TSPEAR: variants seen among roughly 807,000 people sequenced by gnomAD.
The protein encoded by TSPEAR is thrombospondin type laminin G domain and EAR repeats, also known as thrombospondin-type laminin G domain and EAR repeat-containing protein.
A neutral mutation model predicts 71.6 loss-of-function variants in TSPEAR; 69 were observed. The ratio of observed to expected loss-of-function variants is 0.96; its 90% CI spans 0.79 to 1.18. TSPEAR has a LOEUF of 1.18. TSPEAR is among the 50% of genes most tolerant of loss of function. The pLI, the probability that TSPEAR is intolerant of heterozygous loss-of-function variation, is 0.00. For synonymous variants in TSPEAR, 402 were observed against 387.2 expected (o/e 1.04, Z -0.45); for missense variants, 971 against 894.9 (o/e 1.09, Z -1.09).
chr21:44,508,496 G>A, intron 10 of TSPEAR: 1 of 1,034,156 alleles, frequency 9.7e-7, no homozygotes, highest in South Asian at 3.6e-5. Flanking sequence ...CTGGCTCTGG[G>A]ATCTGGGTAA....
At chr21:44,501,177 G>A (rs993122063) in intron 11 of TSPEAR, among the ~76,000 whole-genome samples, 1 of 152,222 alleles carries the variant, frequency 6.6e-6, no homozygotes, top group Non-Finnish European at 1.5e-5. Context: ...TGGCCGGGCG[G>A]GGTGGCTTAC....
At chr21:44,702,396 CACGCCCTTGTG>C in intron 1 of TSPEAR, 5 of 1,596,304 alleles carry the variant, frequency 3.1e-6, no homozygotes, top group African/African-American at 1.4e-5. Flanking sequence ...CCAGCTCCTG[CACGCCCTTGTG>C]CTGCCAGCAG....
chr21:44,628,791 C>G (rs1983071029), intron 1 of TSPEAR, among the ~76,000 whole-genome samples: 1 of 152,166 alleles, frequency 6.6e-6, no homozygotes. Flanking sequence ...CTCAGGAGTT[C>G]CACTCGGAGA....
Position 44,688,757 on chromosome 21 carries a change from A to G in TSPEAR, c.82+22676T>C, listed in dbSNP as rs368568385. On this transcript the variant is annotated intron_variant, in intron 1 of 11. Transcript: ENST00000323084. ...AGAGAAGGGTGTGTGTGGACTGCCG[A>G]CCAGGGCAGAGGTGGGACCCACCTG... Among the ~76,000 whole-genome samples, 1,133 of 152,162 alleles carry G rather than the reference A, an allele frequency of 7.4e-3. 17 individuals carry two copies. Among genetic ancestry groups the G allele is most frequent in the African/African-American group, 0.026 (1,075 of 41,530 alleles).
At chr21:44,616,217 G>C (rs1283150184) in intron 1 of TSPEAR, among the ~76,000 whole-genome samples, 1 of 152,174 alleles carries the variant, frequency 6.6e-6, no homozygotes, top group African/African-American at 2.4e-5. Context: ...CCCTGCCAGG[G>C]TCACCTCTGC....
At chr21:44,697,558 C>T (rs1987425568) in intron 1 of TSPEAR, 2 of 1,613,850 alleles carry the variant, frequency 1.2e-6, no homozygotes, top group Non-Finnish European at 8.5e-7. Flanking sequence ...AGCCTGTGTG[C>T]TGTATGCCCG....
At chr21:44,601,820 C>A in intron 1 of TSPEAR, 1 of 1,528,354 alleles carries the variant, frequency 6.5e-7, no homozygotes, top group East Asian at 2.3e-5. Context: ...TCTCCACATC[C>A]CGCTCCTAAG....
Position 44,658,032 on chromosome 21 carries a change from GC to G in TSPEAR, c.82+53400del. The stretch of plus-strand genomic sequence containing the variant: ...TGCCAGCCAACCTGCTGCATACACA[GC>G]CCCTGCCAGGCATCCTGCTATGTGC... On this transcript the variant is annotated intron_variant, in intron 1 of 11. Coordinates refer to ENST00000323084, the MANE Select transcript of TSPEAR (RefSeq NM_144991.3). The G allele has an allele frequency of 3.1e-6, 5 of 1,613,968 alleles. No homozygotes were observed. In the South Asian group the frequency reaches 5.5e-5, roughly 18 times the overall value.
rs1193515560 is a variant in TSPEAR, at chr21:44,697,024, ACGCT to A, written c.82+14405_82+14408del. On this transcript the variant is annotated intron_variant, in intron 1 of 11. Transcript: ENST00000323084. Reference sequence around the variant, plus strand: ...TCCCTCCTTCCCATCCAGCACCCAGACGCTCACTCACTCCCTCCCTCCTGCCCAT... The same window carrying A: ...TCCCTCCTTCCCATCCAGCACCCAGACACTCACTCCCTCCCTCCTGCCCAT... 7.5e-4 allele frequency: 669 copies of A among 888,620 alleles called. 1 individual carries two copies. The highest frequency in any genetic ancestry group is 2.9e-3 in the Admixed American group (83 of 28,422). 55.0% of individuals were successfully genotyped at this position (888,620 alleles called of 1,614,324 possible).
At chr21:44,706,421 G>A (rs111405245) in intron 1 of TSPEAR, among the ~76,000 whole-genome samples, 3,658 of 148,966 alleles carry the variant, frequency 0.025, 148 homozygotes, top group African/African-American at 0.085. Context: ...GCACACACAC[G>A]CGCGCACACA....
At chr21:44,697,668 G>A in intron 1 of TSPEAR, 1 of 1,613,004 alleles carries the variant, frequency 6.2e-7, no homozygotes. Context: ...GTGCCCGTCT[G>A]CTGCAAGCCC....
rs781809154 is a variant in TSPEAR, at chr21:44,572,571, C to T, written c.83-4566G>A. ...TCCACCTGCCCCAGGCCCAAGTCCA[C>T]AAGAAACACTTCTGCCGTGCTTGCC... On this transcript the variant is annotated intron_variant, in intron 1 of 11. Transcript: ENST00000323084. 5.9e-5 allele frequency among the ~76,000 whole-genome samples: 9 copies of T among 151,980 alleles called. No individual in the cohort carries two copies. In the East Asian group the frequency reaches 1.4e-3, roughly 23 times the overall value.
At chr21:44,677,876 A>T in intron 1 of TSPEAR, 1 of 1,374,386 alleles carries the variant, frequency 7.3e-7, no homozygotes, top group Non-Finnish European at 1.0e-6. Context: ...TTTCTCGGAA[A>T]TGGGAAGCCC....
At chr21:44,532,438 C>A (rs1351143750) in intron 3 of TSPEAR, among the ~76,000 whole-genome samples, 1 of 152,182 alleles carries the variant, frequency 6.6e-6, no homozygotes, top group Non-Finnish European at 1.5e-5. Context: ...CTGCACAGCA[C>A]GTCCCTGGGA....
rs782681112 is a variant in TSPEAR, at chr21:44,521,983, A to G, written c.1466T>C (p.Phe489Ser). The change falls in exon 9 of 12, where the codon TTC becomes TCC. Residue 489 changes from phenylalanine to serine, a missense_variant. Transcript: ENST00000323084. The stretch of plus-strand genomic sequence containing the variant: ...GTTGAAGGTGTTGGCCACCACCAGG[A>G]ACGAGTAGGGCCCCACACTGAAGAA... ...WEFFSVGPYSFLVVANTFNGT... is the reference protein window; with the variant it reads ...WEFFSVGPYSSLVVANTFNGT... The G allele has an allele frequency of 3.1e-6, 5 of 1,613,896 alleles. No homozygotes were observed. Among genetic ancestry groups the G allele is most frequent in the African/African-American group, 2.7e-5 (2 of 74,860 alleles).
At chr21:44,553,205 T>C (rs868911441) in intron 2 of TSPEAR, among the ~76,000 whole-genome samples, 3 of 152,366 alleles carry the variant, frequency 2.0e-5, no homozygotes, top group Middle Eastern at 3.4e-3. Flanking sequence ...GAAGTTACTA[T>C]GGACAGACGC....
At chr21:44,660,504 C>A (rs1985426785) in intron 1 of TSPEAR, among the ~76,000 whole-genome samples, 1 of 152,156 alleles carries the variant, frequency 6.6e-6, no homozygotes, top group Non-Finnish European at 1.5e-5. Flanking sequence ...ATCCGTCGAC[C>A]CTATGACACT....
At chr21:44,538,439 G>A (rs1470884399) in intron 2 of TSPEAR, among the ~76,000 whole-genome samples, 1 of 143,110 alleles carries the variant, frequency 7.0e-6, no homozygotes, top group Non-Finnish European at 1.5e-5. Context: ...CCCCCCCCAA[G>A]AGGAGAACCT....
intron 1 of TSPEAR, chr21:44,601,839 T>A: frequency 7.0e-7 from 1 of 1,435,822 alleles, no homozygotes. Flanking sequence ...AGCCCTGCAG[T>A]GGACGTCAGT....
Sources: allele counts gnomAD v4.1 joint callset (sites outside exome capture counted in the v4.1 genomes callset), GRCh38; gene constraint gnomAD v4.1.1; transcripts MANE v1.5; gene names NCBI Gene and HGNC (gene_info 2026-07-23, HGNC 2026-07-21).